Variants in ZNF423 observed in about 807,000 individuals in gnomAD.
The protein encoded by ZNF423 is zinc finger protein 423, also known as Ebf-associated zinc finger protein.
In ZNF423, 12 loss-of-function variants were observed where a neutral mutation model predicts 95.8. The ratio of observed to expected loss-of-function variants is 0.13; its 90% CI spans 0.08 to 0.20. The LOEUF (loss-of-function observed/expected upper bound fraction) is 0.20, where lower values mean the gene tolerates loss of function less well. ZNF423 is among the 10% of genes least tolerant of loss of function. The pLI, the probability that ZNF423 is intolerant of heterozygous loss-of-function variation, is 1.00. For missense variants in ZNF423, 1,316 were observed against 1,737.1 expected (o/e 0.76, Z 4.31); for synonymous variants, 749 against 711.9 (o/e 1.05, Z -0.83).
rs562231487 is a variant in ZNF423, at chr16:49,570,757, G to A, written c.3602-45263C>T. ...TTTCCAGATCATAGCTGGACCAGAC[G>A]GCTCTGGAGTTTAAAAGATTACAGA... On this transcript the variant is annotated intron_variant, in intron 5 of 7. Transcript: ENST00000563137. 6.6e-5 allele frequency among the ~76,000 whole-genome samples: 10 copies of A among 152,312 alleles called. No individual in the cohort carries two copies. In the East Asian group the frequency reaches 1.7e-3, roughly 26 times the overall value.
rs78045895 is a variant in ZNF423 at position 49,556,454 on chromosome 16, C to G, written c.3602-30960G>C. ...CTGTCCTCTCCCATGGGACTATTCA[C>G]GTGAGAGCGGAGATTTCTGCCCTAT... On this transcript the variant is annotated intron_variant, in intron 5 of 7. Coordinates refer to ENST00000563137, the MANE Select transcript of ZNF423 (RefSeq NM_001379286.1). 5.7e-3 allele frequency among the ~76,000 whole-genome samples: 875 copies of G among 152,296 alleles called. 10 individuals are homozygous for G. The highest frequency in any genetic ancestry group is 0.02 in the African/African-American group (822 of 41,558).
intron 2 of ZNF423, among the ~76,000 whole-genome samples, chr16:49,749,184 C>T (rs1406633100): frequency 6.6e-6 from 1 of 152,194 alleles, no homozygotes. Context: ...GTGAGGTCCC[C>T]TGGGAGCCCT....
At chr16:49,651,408 G>T (rs1250303850) in intron 3 of ZNF423, among the ~76,000 whole-genome samples, 1 of 152,046 alleles carries the variant, frequency 6.6e-6, no homozygotes, top group African/African-American at 2.4e-5. Flanking sequence ...GCTCAGCTGG[G>T]GCTTCTTGGA....
chr16:49,501,160 C>T (rs1435946514), intron 7 of ZNF423, among the ~76,000 whole-genome samples: 1 of 152,124 alleles, frequency 6.6e-6, no homozygotes, highest in East Asian at 1.9e-4. Context: ...TGGATGGAGG[C>T]CTCAAGATTA....
chr16:49,659,732 C>T (rs1273194521), intron 3 of ZNF423, among the ~76,000 whole-genome samples: 1 of 152,244 alleles, frequency 6.6e-6, no homozygotes, highest in Non-Finnish European at 1.5e-5. Context: ...TTCAGGTGCC[C>T]ACCGCTGCAG....
In ZNF423 at chr16:49,638,348, G is replaced by C. The variant is rs769921337; in HGVS notation, c.828C>G (p.Cys276Trp). 6.2e-7 allele frequency: 1 copy of C among 1,613,934 alleles called. No individual in the cohort carries two copies. Among genetic ancestry groups the C allele is most frequent in the Non-Finnish European group, 8.5e-7 (1 of 1,180,052 alleles). ...CCTCCGTCTGGCTGAAGGTGTCCTC[G>C]CAGTAGTCGCACATGAAGTCGTCCT... Reference protein sequence around the residue: ...AKKDDFMCDYCEDTFSQTEEL... With the variant: ...AKKDDFMCDYWEDTFSQTEEL... Residue 276 changes from cysteine to tryptophan, a missense_variant, in exon 4 of 8, where the codon TGC (cysteine) becomes TGG (tryptophan). Coordinates refer to ENST00000563137, the MANE Select transcript of ZNF423 (RefSeq NM_001379286.1). This position sits in a 1 kb window ranked among gnomAD's most constrained non-coding sequence, Gnocchi z 5.6.
chr16:49,769,238 C>T (rs1961429), intron 2 of ZNF423, among the ~76,000 whole-genome samples: 77,248 of 151,262 alleles, frequency 0.51, 20,042 homozygotes, highest in African/African-American at 0.6. Context: ...ACCTGTAATC[C>T]CAGCTACTCG....
At position 49,855,036 on chromosome 16, in the gene ZNF423, C is replaced by A; in HGVS notation, c.40+699G>T. 1 of 984,926 alleles carries A rather than the reference C, an allele frequency of 1.0e-6. No individual in the cohort carries two copies. The highest frequency in any genetic ancestry group is 1.2e-6 in the Non-Finnish European group (1 of 829,734). 61.0% of individuals were successfully genotyped at this position (984,926 alleles called of 1,614,324 possible). A position where few individuals can be genotyped will look rare whatever the true frequency, so the allele number is the denominator to read the frequency against. On this transcript the variant is annotated intron_variant, in intron 1 of 7. Coordinates refer to ENST00000563137, the MANE Select transcript of ZNF423 (RefSeq NM_001379286.1). This position sits in a 1 kb window ranked among gnomAD's most constrained non-coding sequence, Gnocchi z 4.7. ...CTGAGGACCTGCGTCCCGCCGGCGCCGTGCAGACAATGAACTCCTGGCGGA... is the reference window on the plus strand; with the variant it reads ...CTGAGGACCTGCGTCCCGCCGGCGCAGTGCAGACAATGAACTCCTGGCGGA...
At chr16:49,834,690 AGG>A (rs1319452606) in intron 1 of ZNF423, among the ~76,000 whole-genome samples, 2 of 152,020 alleles carry the variant, frequency 1.3e-5, no homozygotes, top group Non-Finnish European at 2.9e-5. Flanking sequence ...CTGTCCACGG[AGG>A]GGGCAGGGTG....
chr16:49,813,001 C>T (rs1054643981), intron 1 of ZNF423, among the ~76,000 whole-genome samples: 2 of 152,078 alleles, frequency 1.3e-5, no homozygotes, highest in Admixed American at 1.3e-4. Context: ...TCTACTTAAA[C>T]CCCCTGCCAC....
At chr16:49,759,437 A>G (rs2033787165) in intron 2 of ZNF423, among the ~76,000 whole-genome samples, 1 of 151,670 alleles carries the variant, frequency 6.6e-6, no homozygotes, top group African/African-American at 2.4e-5. Flanking sequence ...CCCCTTGCCT[A>G]GGTGCAATGC....
At chr16:49,780,106 G>C (rs1371937804) in intron 2 of ZNF423, among the ~76,000 whole-genome samples, 3 of 152,236 alleles carry the variant, frequency 2.0e-5, no homozygotes, top group East Asian at 3.8e-4. Context: ...AGAGGTACAG[G>C]AGGAAAACAG....
At chr16:49,525,720 G>A (rs1968578045) in intron 5 of ZNF423, among the ~76,000 whole-genome samples, 1 of 152,132 alleles carries the variant, frequency 6.6e-6, no homozygotes, top group Non-Finnish European at 1.5e-5. Context: ...CCTTGGAGGT[G>A]CCATTTGCTG....
chr16:49,851,441 A>AGT (rs2144125918), intron 1 of ZNF423, among the ~76,000 whole-genome samples: 1 of 152,346 alleles, frequency 6.6e-6, no homozygotes, highest in African/African-American at 2.4e-5. Context: ...TTCCACAGCC[A>AGT]CTAGCTTAAG....
chr16:49,738,794 C>T (rs2033349609), intron 2 of ZNF423, among the ~76,000 whole-genome samples: 1 of 151,916 alleles, frequency 6.6e-6, no homozygotes, highest in South Asian at 2.1e-4. Context: ...ACTTCTTCTC[C>T]CAATCAGATT....
At chr16:49,634,352 G>A (rs1027051525) in intron 4 of ZNF423, among the ~76,000 whole-genome samples, 1 of 152,060 alleles carries the variant, frequency 6.6e-6, no homozygotes, top group African/African-American at 2.4e-5. Context: ...ACCCGGCCTC[G>A]CTATTTTCAT....
intron 6 of ZNF423, among the ~76,000 whole-genome samples, 189 bp downstream of exon 6, chr16:49,525,174 G>A (rs984502551): frequency 5.3e-5 from 8 of 152,168 alleles, no homozygotes; most frequent in East Asian, 3.9e-4. Flanking sequence ...AGGAGGGCGC[G>A]TGTCAGCTCT....
chr16:49,811,064 A>C (rs2034743927), intron 1 of ZNF423, among the ~76,000 whole-genome samples: 1 of 152,228 alleles, frequency 6.6e-6, no homozygotes, highest in Admixed American at 6.5e-5. Context: ...GTCTTCAGGC[A>C]TCTGAAGGGC....
chr16:49,684,714 C>T (rs1353546124), intron 3 of ZNF423, among the ~76,000 whole-genome samples: 2 of 152,198 alleles, frequency 1.3e-5, no homozygotes, highest in Non-Finnish European at 2.9e-5. Flanking sequence ...GGGTGGAACC[C>T]GCATCTTCCT....
Sources: gnomAD v4.1 joint callset for allele counts (sites outside exome capture counted in the v4.1 genomes callset) on GRCh38, gnomAD v4.1.1 for gene constraint, Gnocchi (gnomAD v3.1) non-coding constraint, MANE v1.5 for transcripts, NCBI Gene and HGNC (gene_info 2026-07-23, HGNC 2026-07-21) for gene names.